ARFIP1: variants seen among roughly 807,000 people sequenced by gnomAD.
The protein encoded by ARFIP1 is arfaptin-1.
ARFIP1 carries 24 observed loss-of-function variants against 42.5 expected under a neutral mutation model. That is an observed-to-expected ratio of 0.57 (90% CI 0.41 to 0.80). ARFIP1 has a LOEUF of 0.80. Ranked by LOEUF, ARFIP1 falls within the 30% of genes least tolerant of loss-of-function variation. The pLI is 0.00. For missense variants in ARFIP1, 354 were observed against 434.0 expected, an observed-to-expected ratio of 0.82 and a Z score of 1.64; for synonymous variants, 141 against 153.7, an observed-to-expected ratio of 0.92 and a Z score of 0.61.
intron 1 of ARFIP1, among the ~76,000 whole-genome samples, chr4:152,828,941 GTCCAGCACCATTAT>G (rs1371653621): frequency 2.6e-5 from 4 of 152,164 alleles, no homozygotes; most frequent in African/African-American, 4.8e-5. Context: ...GCATGTGGAT[GTCCAGCACCATTAT>G]TCCAGCACCA....
intron 8 of ARFIP1, among the ~76,000 whole-genome samples, chr4:152,901,270 T>C (rs1486848194): frequency 6.6e-6 from 1 of 152,230 alleles, no homozygotes; most frequent in African/African-American, 2.4e-5. Flanking sequence ...ACTTTGTAAA[T>C]GTTATTTATG....
chr4:152,847,098 C>T (rs188883622), intron 2 of ARFIP1, among the ~76,000 whole-genome samples: 24 of 105,484 alleles, frequency 2.3e-4, no homozygotes, highest in East Asian at 1.1e-3. Context: ...GTCATTGCCT[C>T]GTATGTTAAT....
chr4:152,831,669 T>C (rs1449722951), intron 2 of ARFIP1, among the ~76,000 whole-genome samples: 1 of 152,196 alleles, frequency 6.6e-6, no homozygotes, highest in Non-Finnish European at 1.5e-5. Context: ...GAAATACCTA[T>C]CAGTGGAATC....
At chr4:152,873,217 A>G (rs1735037001) in intron 5 of ARFIP1, among the ~76,000 whole-genome samples, 1 of 152,202 alleles carries the variant, frequency 6.6e-6, no homozygotes, top group African/African-American at 2.4e-5. Flanking sequence ...TTAGGATGAA[A>G]GCCCTAGCAG....
At chr4:152,905,656 G>T (rs13435107) in intron 8 of ARFIP1, among the ~76,000 whole-genome samples, 20,441 of 142,090 alleles carry the variant, frequency 0.14, 1,476 homozygotes, top group Middle Eastern at 0.2. Context: ...GGGTTCAAGC[G>T]ATTCTCCTGC....
chr4:152,901,014 G>C (rs1361730553), intron 8 of ARFIP1, among the ~76,000 whole-genome samples: 2 of 151,976 alleles, frequency 1.3e-5, no homozygotes, highest in Non-Finnish European at 2.9e-5. Context: ...TACTTTCAAT[G>C]GCAAAACCTG....
intron 2 of ARFIP1, among the ~76,000 whole-genome samples, chr4:152,846,891 G>A (rs1732576228): frequency 6.7e-6 from 1 of 150,144 alleles, no homozygotes; most frequent in South Asian, 2.1e-4. Context: ...TGGCCAGCTG[G>A]TGTCACTGTG....
chr4:152,832,571 AGTT>A (rs1334497234), intron 2 of ARFIP1, among the ~76,000 whole-genome samples: 3 of 152,176 alleles, frequency 2.0e-5, no homozygotes, highest in Non-Finnish European at 2.9e-5. Context: ...GATGAACAGA[AGTT>A]GTTAATTTTA....
chr4:152,889,734 C>CTA (rs1415616869), intron 8 of ARFIP1, among the ~76,000 whole-genome samples: 6 of 101,858 alleles, frequency 5.9e-5, no homozygotes, highest in Non-Finnish European at 8.9e-5. Flanking sequence ...ACTATATATA[C>CTA]TATACTATAT....
intron 1 of ARFIP1, among the ~76,000 whole-genome samples, chr4:152,828,426 T>A (rs760853148): frequency 5.1e-4 from 77 of 152,228 alleles, no homozygotes; most frequent in Non-Finnish European, 9.0e-4. Flanking sequence ...TTATAGTATC[T>A]CATTATTGTT....
chr4:152,901,132 C>T (rs1737798735), intron 8 of ARFIP1, among the ~76,000 whole-genome samples: 1 of 152,076 alleles, frequency 6.6e-6, no homozygotes, highest in African/African-American at 2.4e-5. Context: ...AAATTTAGTG[C>T]CTCTGAATAG....
chr4:152,872,012 A>G (rs940057146), intron 4 of ARFIP1, among the ~76,000 whole-genome samples: 52 of 152,214 alleles, frequency 3.4e-4, no homozygotes, highest in African/African-American at 1.3e-3. Context: ...GCAACATTCT[A>G]TTGTTGTTGT....
chr4:152,863,836 A>G lies in ARFIP1; in HGVS notation c.202+122A>G, dbSNP rs927622020. 1.0e-5 allele frequency: 6 copies of G among 580,746 alleles called. No individual in the cohort carries two copies. In the Admixed American group the frequency reaches 2.0e-4, roughly 20 times the overall value. The allele number at this position is 580,746 out of a possible 1,614,324, so 36.0% of individuals were successfully genotyped here. ...TTCATTCTGTGATAAAACATTGATT[A>G]TAAATGTATTCCTTTTTCTCTTCAA... On this transcript the variant is annotated intron_variant, in intron 3 of 8. Coordinates refer to ENST00000353617, the MANE Select transcript of ARFIP1 (RefSeq NM_001025595.3).
chr4:152,863,573 CAA>C (rs1381573334), intron 2 of ARFIP1, 31 bp from the exon 3 acceptor site: 2 of 1,288,686 alleles, frequency 1.6e-6, no homozygotes, highest in African/African-American at 1.5e-5. Flanking sequence ...GATTTTTTTA[CAA>C]AGTTTTTTCT....
intron 2 of ARFIP1, among the ~76,000 whole-genome samples, chr4:152,839,445 T>A (rs565321538): frequency 8.5e-5 from 13 of 152,276 alleles, no homozygotes; most frequent in Non-Finnish European, 1.2e-4. Context: ...AAATTACCAT[T>A]TCAGTCTCAC....
chr4:152,871,437 AC>A (rs959411466), intron 4 of ARFIP1, among the ~76,000 whole-genome samples: 5 of 152,242 alleles, frequency 3.3e-5, no homozygotes, highest in African/African-American at 1.2e-4. Context: ...AATGAACTCC[AC>A]GTTTCTTCTT....
intron 3 of ARFIP1, among the ~76,000 whole-genome samples, chr4:152,868,340 GAGATGAAAT>G (rs1206442516): frequency 6.6e-6 from 1 of 152,114 alleles, no homozygotes; most frequent in Non-Finnish European, 1.5e-5. Context: ...TTTTGTTGTT[GAGATGAAAT>G]AGATTTAATT....
intron 1 of ARFIP1, among the ~76,000 whole-genome samples, chr4:152,817,427 G>A (rs575979613): frequency 2.2e-4 from 34 of 152,112 alleles, no homozygotes; most frequent in African/African-American, 7.7e-4. Context: ...GAATGATGTT[G>A]GACTCTTACC....
chr4:152,874,248 A>G (rs151309421), intron 5 of ARFIP1, among the ~76,000 whole-genome samples: 13 of 152,356 alleles, frequency 8.5e-5, no homozygotes, highest in Non-Finnish European at 1.8e-4. Flanking sequence ...CATTTAGCCT[A>G]TTAAAAATTT....
Sources: allele counts gnomAD v4.1 joint callset (sites outside exome capture counted in the v4.1 genomes callset), GRCh38; gene constraint gnomAD v4.1.1; transcripts MANE v1.5; gene names NCBI Gene and HGNC (gene_info 2026-07-23, HGNC 2026-07-21).